Variants in RASGEF1B observed in about 807,000 individuals in gnomAD.
RASGEF1B encodes RasGEF domain family member 1B.
In RASGEF1B, 30 loss-of-function variants were observed where a neutral mutation model predicts 65.7. That is an observed-to-expected ratio of 0.46 (90% confidence interval 0.34 to 0.62). RASGEF1B has a LOEUF of 0.62. Ranked by LOEUF, RASGEF1B falls within the 20% of genes least tolerant of loss-of-function variation. The probability of loss-of-function intolerance (pLI) is 0.01; values close to 1 mark genes in which losing one functional copy is unlikely to be tolerated. For synonymous variants in RASGEF1B, 175 were observed against 194.8 expected (o/e 0.90, Z 0.85); for missense variants, 495 against 580.1 (o/e 0.85, Z 1.51).
At chr4:81,454,841 A>G (rs1350268727) in intron 4 of RASGEF1B, 1 of 152,204 alleles carries the variant, frequency 6.6e-6, no homozygotes, top group Non-Finnish European at 1.5e-5. Context: ...AGAACATAAT[A>G]CAGGAAAGCC....
chr4:81,447,207 G>A (rs539191967), intron 6 of RASGEF1B, among the ~76,000 whole-genome samples: 16 of 152,016 alleles, frequency 1.1e-4, no homozygotes, highest in Admixed American at 5.9e-4. Context: ...TTATGCTTTC[G>A]TCTCCTATTT....
chr4:81,431,883 C>T (rs1009126077), intron 13 of RASGEF1B, among the ~76,000 whole-genome samples: 1 of 152,174 alleles, frequency 6.6e-6, no homozygotes, highest in Non-Finnish European at 1.5e-5. Flanking sequence ...CTGAGATCCA[C>T]TTGGAAAGTG....
intron 1 of RASGEF1B, among the ~76,000 whole-genome samples, 192 bp downstream of exon 1, chr4:81,471,578 G>A: frequency 6.6e-6 from 1 of 152,140 alleles, no homozygotes; most frequent in Non-Finnish European, 1.5e-5. Context: ...GCCCGCGTTC[G>A]CGCTCACTCG....
At chr4:81,433,656 G>A (rs1721511015) in intron 12 of RASGEF1B, among the ~76,000 whole-genome samples, 184 bp downstream of exon 12, 1 of 152,176 alleles carries the variant, frequency 6.6e-6, no homozygotes, top group Non-Finnish European at 1.5e-5. Flanking sequence ...CTGTTTATAG[G>A]TGAATATTAA....
chr4:81,432,981 C>T (rs924088129), intron 12 of RASGEF1B, among the ~76,000 whole-genome samples: 3 of 150,138 alleles, frequency 2.0e-5, no homozygotes, highest in Non-Finnish European at 4.4e-5. Flanking sequence ...GTTTGAGAGG[C>T]TGTGGGCAGA....
At chr4:81,455,418 A>ACCTCTGTCT (rs1481923591) in intron 4 of RASGEF1B, 1 of 152,234 alleles carries the variant, frequency 6.6e-6, no homozygotes, top group Admixed American at 6.5e-5. Flanking sequence ...AGCCTGAGGA[A>ACCTCTGTCT]CAGAGCAAGG....
intron 10 of RASGEF1B, among the ~76,000 whole-genome samples, chr4:81,438,355 G>C (rs1721716137): frequency 6.6e-6 from 1 of 152,186 alleles, no homozygotes. Context: ...TCACCATATT[G>C]GTCAGGCTGG....
At chr4:81,438,362 C>T (rs1400416891) in intron 10 of RASGEF1B, among the ~76,000 whole-genome samples, 6 of 152,226 alleles carry the variant, frequency 3.9e-5, no homozygotes, top group Non-Finnish European at 8.8e-5. Context: ...ATTGGTCAGG[C>T]TGGTCTCGAA....
intron 13 of RASGEF1B, among the ~76,000 whole-genome samples, chr4:81,430,698 A>G (rs1721400404): frequency 6.6e-6 from 1 of 152,222 alleles, no homozygotes; most frequent in African/African-American, 2.4e-5. Context: ...GTTAGATGTC[A>G]TATATTATGT....
At chr4:81,448,808 T>C (rs1251188083) in intron 4 of RASGEF1B, among the ~76,000 whole-genome samples, 1 of 151,982 alleles carries the variant, frequency 6.6e-6, no homozygotes, top group African/African-American at 2.4e-5. Flanking sequence ...CACCTTCTTT[T>C]GTTTTGTTTT....
intron 1 of RASGEF1B, among the ~76,000 whole-genome samples, chr4:81,461,482 T>C (rs930076423): frequency 4.6e-5 from 7 of 152,196 alleles, no homozygotes; most frequent in African/African-American, 1.7e-4. Flanking sequence ...CACTTACTCA[T>C]TGCTAGCGCA....
chr4:81,455,863 G>A (rs890103342), intron 4 of RASGEF1B: 2 of 152,240 alleles, frequency 1.3e-5, no homozygotes, highest in African/African-American at 4.8e-5. Context: ...TGGAAGACTT[G>A]CCTCATTTTC....
chr4:81,432,068 G>A (rs1578609428), intron 13 of RASGEF1B, among the ~76,000 whole-genome samples: 1 of 151,746 alleles, frequency 6.6e-6, no homozygotes. Flanking sequence ...TTAAATAATG[G>A]GAGAGAAAAA....
chr4:81,464,023 G>C (rs1292240021), intron 1 of RASGEF1B, among the ~76,000 whole-genome samples: 1 of 152,144 alleles, frequency 6.6e-6, no homozygotes, highest in Admixed American at 6.5e-5. Context: ...AAGGTTGCTC[G>C]TAACCCATAA....
At chr4:81,461,160 A>T (rs964171742) in intron 1 of RASGEF1B, among the ~76,000 whole-genome samples, 3 of 152,228 alleles carry the variant, frequency 2.0e-5, no homozygotes, top group African/African-American at 7.2e-5. Flanking sequence ...GGTTTCTATG[A>T]GTACTACTCC....
chr4:81,443,219 C>T lies in RASGEF1B; in HGVS notation c.929-843G>A, dbSNP rs146216576. Among the ~76,000 whole-genome samples, 321 of 152,286 alleles carry T rather than the reference C, an allele frequency of 2.1e-3. 2 individuals carry two copies. Among genetic ancestry groups the T allele is most frequent in the African/African-American group, 7.2e-3 (299 of 41,568 alleles). On this transcript the variant is annotated intron_variant, in intron 8 of 13. Transcript: ENST00000264400. ...GAACCCATGCCAGCCTAAATGAGTA[C>T]GTATATTAATTCCATGCCACCAACA...
intron 13 of RASGEF1B, among the ~76,000 whole-genome samples, chr4:81,429,628 A>C (rs1721347984): frequency 6.6e-6 from 1 of 152,210 alleles, no homozygotes. Context: ...AGACAGACAC[A>C]CAAGTAGCTG....
chr4:81,452,155 G>C (rs1240232521), intron 4 of RASGEF1B: 1 of 152,426 alleles, frequency 6.6e-6, no homozygotes, highest in Non-Finnish European at 1.5e-5. Flanking sequence ...TTGTTGCCCA[G>C]GCTGGAGTGC....
At chr4:81,430,056 C>G (rs1721369965) in intron 13 of RASGEF1B, among the ~76,000 whole-genome samples, 1 of 152,228 alleles carries the variant, frequency 6.6e-6, no homozygotes, top group Admixed American at 6.5e-5. Flanking sequence ...AATCCCAGCA[C>G]TTTGAGAGGC....
Sources: gnomAD v4.1 joint callset for allele counts (sites outside exome capture counted in the v4.1 genomes callset) on GRCh38, gnomAD v4.1.1 for gene constraint, MANE v1.5 for transcripts, NCBI Gene and HGNC (gene_info 2026-07-23, HGNC 2026-07-21) for gene names.